Variants in FBXO31 observed in about 807,000 individuals in gnomAD.
FBXO31 encodes the protein F-box only protein 31.
A neutral mutation model predicts 54.4 loss-of-function variants in FBXO31; 24 were observed. That is an observed-to-expected ratio of 0.44 (90% CI 0.32 to 0.62). The LOEUF is 0.62. Among genes scored for constraint, FBXO31 ranks in the 20% least tolerant of loss-of-function variants. The pLI, the probability that FBXO31 is intolerant of heterozygous loss-of-function variation, is 0.05. For synonymous variants in FBXO31, 388 were observed against 335.6 expected (o/e 1.16, Z -1.71); for missense variants, 665 against 787.1 (o/e 0.84, Z 1.86).
At chr16:87,364,699 C>T (rs569403346) in intron 1 of FBXO31, among the ~76,000 whole-genome samples, 2 of 152,182 alleles carry the variant, frequency 1.3e-5, no homozygotes, top group African/African-American at 4.8e-5. Flanking sequence ...GAAATCCCAC[C>T]GCTGATACCA....
chr16:87,372,302 T>C (rs1310312300), intron 1 of FBXO31, among the ~76,000 whole-genome samples: 1 of 152,150 alleles, frequency 6.6e-6, no homozygotes, highest in Admixed American at 6.6e-5. Flanking sequence ...CTCTAGACAG[T>C]GGTGGATGAT....
intron 1 of FBXO31, among the ~76,000 whole-genome samples, chr16:87,376,552 G>C (rs538107330): frequency 6.6e-6 from 1 of 152,256 alleles, no homozygotes; most frequent in African/African-American, 2.4e-5. Context: ...TGGGATTACA[G>C]GTATGAGACA....
chr16:87,355,025 G>A (rs958239674), intron 2 of FBXO31, among the ~76,000 whole-genome samples: 1 of 151,806 alleles, frequency 6.6e-6, no homozygotes, highest in Non-Finnish European at 1.5e-5. Context: ...GCCTTCTACC[G>A]TATGGGCTTG....
At chr16:87,360,044 T>C (rs763419423) in intron 2 of FBXO31, among the ~76,000 whole-genome samples, 3 of 152,204 alleles carry the variant, frequency 2.0e-5, no homozygotes, top group Non-Finnish European at 4.4e-5. Flanking sequence ...AGCCTACATT[T>C]CTCAGCTCTA....
At chr16:87,368,698 G>C (rs1287711255) in intron 1 of FBXO31, among the ~76,000 whole-genome samples, 1 of 151,620 alleles carries the variant, frequency 6.6e-6, no homozygotes, top group Admixed American at 6.6e-5. Flanking sequence ...TTCAGAAAGA[G>C]GAACAGATAA....
chr16:87,356,054 C>T (rs1424803249), intron 2 of FBXO31, among the ~76,000 whole-genome samples: 2 of 152,008 alleles, frequency 1.3e-5, no homozygotes, highest in Non-Finnish European at 2.9e-5. Context: ...CATGGTGAAA[C>T]CCTGTCTCTA....
rs1244513899 is a variant in FBXO31, at chr16:87,358,014, T to C, written c.412+2281A>G. 1.3e-5 allele frequency among the ~76,000 whole-genome samples: 2 copies of C among 152,208 alleles called. No homozygotes were observed. Among genetic ancestry groups the C allele is most frequent in the South Asian group, 2.1e-4 (1 of 4,828 alleles). ...TTCACATAGGCTATTAAAATGTGAT[T>C]AAAACTAATAAAGGTCAGAAGTCAA... On this transcript the variant is annotated intron_variant, in intron 2 of 8. Transcript: ENST00000311635. This position sits in a 1 kb window ranked among gnomAD's most constrained non-coding sequence, Gnocchi z 4.0.
In FBXO31 at chr16:87,338,885, G is replaced by A. The variant is rs1291860497; in HGVS notation, c.733-2621C>T. On this transcript the variant is annotated intron_variant, in intron 5 of 8. Transcript: ENST00000311635. The surrounding 1 kb of genome is among the most constrained non-coding windows in gnomAD (Gnocchi z 4.3). ...TCCCATGTCATGGGAGGGACCCCAG[G>A]AGGTAACTGAATCATGGGGGTGGGG... Among the ~76,000 whole-genome samples, 1 of 152,160 alleles carries A rather than the reference G, an allele frequency of 6.6e-6. No individual in the cohort carries two copies. Among genetic ancestry groups the A allele is most frequent in the Non-Finnish European group, 1.5e-5 (1 of 68,036 alleles).
intron 1 of FBXO31, among the ~76,000 whole-genome samples, chr16:87,372,261 T>C (rs932575831): frequency 6.6e-6 from 1 of 152,178 alleles, no homozygotes; most frequent in Non-Finnish European, 1.5e-5. Context: ...TTTATTCTCC[T>C]TGTGCTTTGC....
At chr16:87,368,517 C>G (rs137855132) in intron 1 of FBXO31, among the ~76,000 whole-genome samples, 1 of 152,162 alleles carries the variant, frequency 6.6e-6, no homozygotes, top group African/African-American at 2.4e-5. Flanking sequence ...CAACTCCAGA[C>G]GGCCAGCACG....
In FBXO31 at chr16:87,336,165, T is replaced by A. The variant is rs1448505342; in HGVS notation, c.832A>T (p.Ser278Cys). 4.3e-6 allele frequency: 7 copies of A among 1,613,978 alleles called. No individual in the cohort carries two copies. The highest frequency in any genetic ancestry group is 5.9e-6 in the Non-Finnish European group (7 of 1,179,866). Residue 278 changes from serine to cysteine, a missense_variant, in exon 6 of 9, where the codon AGT (serine) becomes TGT (cysteine). Ser to Cys is a moderately radical substitution (Grantham distance 112). Around this residue, in one of 4 missense-constraint regions of FBXO31, gnomAD observed 234 missense variants for 346.8 expected, o/e 0.67. Coordinates refer to ENST00000311635, the MANE Select transcript of FBXO31 (RefSeq NM_024735.5). This position sits in a 1 kb window ranked among gnomAD's most constrained non-coding sequence, Gnocchi z 6.5. ...AGGAGCCGCACTCACTCGTACTGAC[T>A]GGTGTAGATGAACTTCATCAGGATG... ...ELILMKFIYT[S>C]QYDNCLTYRR... is the part of the protein sequence containing the mutation.
chr16:87,352,138 A>G (rs1264495933), intron 2 of FBXO31, among the ~76,000 whole-genome samples: 1 of 152,216 alleles, frequency 6.6e-6, no homozygotes, highest in Non-Finnish European at 1.5e-5. Flanking sequence ...CAACATACAC[A>G]GATGCCAACA....
chr16:87,377,231 G>A (rs1443288434), intron 1 of FBXO31, among the ~76,000 whole-genome samples: 1 of 152,222 alleles, frequency 6.6e-6, no homozygotes, highest in Non-Finnish European at 1.5e-5. Flanking sequence ...GACCACTTGA[G>A]CCCAGGAGTT....
chr16:87,373,985 T>C (rs541091889), intron 1 of FBXO31, among the ~76,000 whole-genome samples: 1 of 152,266 alleles, frequency 6.6e-6, no homozygotes, highest in South Asian at 2.1e-4. Context: ...GGTTCACACC[T>C]GTAATGCACT....
At chr16:87,342,981 A>G (rs757538691) in intron 4 of FBXO31, 30 bp from the exon 5 acceptor site, 57 of 1,576,802 alleles carry the variant, frequency 3.6e-5, no homozygotes, top group Non-Finnish European at 4.7e-5. Flanking sequence ...AGGAAAGAGA[A>G]GAGTGAGGAA....
At position 87,335,392 on chromosome 16, in the gene FBXO31, C is replaced by T; in HGVS notation, c.908G>A (p.Gly303Asp). The T allele has an allele frequency of 6.2e-7, 1 of 1,613,978 alleles. No individual in the cohort carries two copies. Among genetic ancestry groups the T allele is most frequent in the Non-Finnish European group, 8.5e-7 (1 of 1,179,996 alleles). ...GCTGCCATAGGTACCTTTGAAGAGG[C>T]CAGGCTTGATGAGGTCGTCGGGGCG... is the stretch of plus-strand genomic sequence containing the variant. ...PSRPDDLIKP[G>D]LFKGTYGSHG... Residue 303 changes from glycine (G) to aspartate (D), a missense_variant, in exon 7 of 9, where the codon GGC (glycine) becomes GAC (aspartate). Transcript: ENST00000311635. The surrounding 1 kb of genome is among the most constrained non-coding windows in gnomAD (Gnocchi z 5.7).
chr16:87,343,711 C>T lies in FBXO31; in HGVS notation c.544G>A (p.Val182Ile). Residue 182 changes from valine (V) to isoleucine (I), a missense_variant, in exon 4 of 9, where the codon GTC (valine) becomes ATC (isoleucine). Val to Ile is a conservative substitution (Grantham distance 29). Around this residue, in one of 4 missense-constraint regions of FBXO31, gnomAD observed 234 missense variants for 346.8 expected, o/e 0.67. Coordinates refer to ENST00000311635, the MANE Select transcript of FBXO31 (RefSeq NM_024735.5). ...WMYLPPHDPH[V>I]DDPMRFKPLF... is the part of the protein sequence containing the mutation. ...GGCTTGAATCTCATAGGGTCATCGACGTGGGGGTCATGGGGAGGCAGGTAC... is the reference window on the plus strand; with the variant it reads ...GGCTTGAATCTCATAGGGTCATCGATGTGGGGGTCATGGGGAGGCAGGTAC... The T allele has an allele frequency of 6.2e-7, 1 of 1,614,254 alleles. No individual in the cohort carries two copies. Among genetic ancestry groups the T allele is most frequent in the Non-Finnish European group, 8.5e-7 (1 of 1,180,044 alleles).
rs1477743798 is a variant in FBXO31 at position 87,331,326 on chromosome 16, C to T, written c.1582G>A (p.Asp528Asn). The T allele has an allele frequency of 4.3e-6, 7 of 1,613,980 alleles. No individual in the cohort carries two copies. Among genetic ancestry groups the T allele is most frequent in the South Asian group, 2.2e-5 (2 of 91,072 alleles). Residue 528 changes from aspartate to asparagine, a missense_variant, in exon 9 of 9, where the codon GAT (aspartate) becomes AAT (asparagine). This residue lies in a region of FBXO31 where 71 missense variants were observed against 105.8 expected (regional missense o/e 0.67). Coordinates refer to ENST00000311635, the MANE Select transcript of FBXO31 (RefSeq NM_024735.5). Reference sequence around the variant, plus strand: ...GACTGAATGTTCTTGAGCATCTCATCGAAGGCCTGTGGGGACGGCGCATCT... The same window carrying T: ...GACTGAATGTTCTTGAGCATCTCATTGAAGGCCTGTGGGGACGGCGCATCT... ...NADAPSPQAFDEMLKNIQSLT... is the reference protein window; with the variant it reads ...NADAPSPQAFNEMLKNIQSLT...
At chr16:87,375,482 C>T (rs1371559511) in intron 1 of FBXO31, among the ~76,000 whole-genome samples, 1 of 151,986 alleles carries the variant, frequency 6.6e-6, no homozygotes, top group Non-Finnish European at 1.5e-5. Context: ...CAGAGCAAGA[C>T]TCTGTCTCAA....
Sources: allele counts gnomAD v4.1 joint callset (sites outside exome capture counted in the v4.1 genomes callset), GRCh38; gene constraint gnomAD v4.1.1; regional missense constraint gnomAD v4.1.1; non-coding constraint Gnocchi (gnomAD v3.1); transcripts MANE v1.5; gene names NCBI Gene and HGNC (gene_info 2026-07-23, HGNC 2026-07-21).